Variants in ARID4B observed in about 807,000 individuals in gnomAD.
The protein encoded by ARID4B is AT-rich interaction domain 4B, also known as AT-rich interactive domain-containing protein 4B.
Under a neutral mutation model 147.5 loss-of-function variants are expected in ARID4B, and 26 were observed. The observed-to-expected ratio is 0.18, with a 90% CI of 0.13 to 0.24. ARID4B has a LOEUF of 0.24. Among genes scored for constraint, ARID4B ranks in the 10% least tolerant of loss-of-function variants. The pLI is 1.00. For synonymous variants in ARID4B, 512 were observed against 507.9 expected (o/e 1.01, Z -0.11); for missense variants, 1,179 against 1,511.5 (o/e 0.78, Z 3.65).
intron 2 of ARID4B, among the ~76,000 whole-genome samples, chr1:235,299,796 C>T (rs1416979389): frequency 6.6e-6 from 1 of 152,162 alleles, no homozygotes; most frequent in African/African-American, 2.4e-5. Context: ...TGGTGGTTAG[C>T]TGCTTGAAGC....
At chr1:235,244,514 T>TA (rs888066089) in intron 7 of ARID4B, among the ~76,000 whole-genome samples, 1 of 152,038 alleles carries the variant, frequency 6.6e-6, no homozygotes, top group Non-Finnish European at 1.5e-5. Context: ...TGATAATCAT[T>TA]AAAAAAAGAA....
rs766086044 is a variant in ARID4B, at chr1:235,234,433, T to C, written c.645A>G (p.Arg215=). Residue 215 remains arginine (R), a synonymous_variant, in exon 9 of 24, where the codon CGA becomes CGG. Transcript: ENST00000264183. The part of the protein sequence containing the change: ...IAVKKDNILV[R]SFKDGKFTSV... The stretch of plus-strand genomic sequence containing the variant: ...CTTACAATTTTCCATCTTTGAAAGA[T>C]CGAACAAGAATATTGTCCTTTTTTA... 4.4e-6 allele frequency: 7 copies of C among 1,604,940 alleles called. No homozygotes were observed. In the Admixed American group the frequency reaches 1.2e-4, roughly 27 times the overall value.
chr1:235,268,753 T>G (rs1035455712), intron 2 of ARID4B, among the ~76,000 whole-genome samples: 1 of 152,168 alleles, frequency 6.6e-6, no homozygotes, highest in South Asian at 2.1e-4. Context: ...CCCGACTTCG[T>G]GATCCACCCG....
In ARID4B at chr1:235,172,555, C is replaced by G. The variant is rs917668498; in HGVS notation, c.3811+63G>C. 7.3e-6 allele frequency: 9 copies of G among 1,225,892 alleles called. No homozygotes were observed. The South Asian group carries it at 1.5e-4, about 20-fold the overall frequency. 75.9% of individuals were successfully genotyped at this position (1,225,892 alleles called of 1,614,324 possible). A position where few individuals can be genotyped will look rare whatever the true frequency, so the allele number is the denominator to read the frequency against. The stretch of plus-strand genomic sequence containing the variant: ...ATTGCGCCATTGCACTCCAGCCTGG[C>G]GACAAGAGTGAAACTCTGTCTCAAA... On this transcript the variant is annotated intron_variant, in intron 23 of 23. Transcript: ENST00000264183.
chr1:235,225,923 AATG>A (rs1224136303), intron 11 of ARID4B, among the ~76,000 whole-genome samples: 3 of 152,192 alleles, frequency 2.0e-5, no homozygotes, highest in Admixed American at 6.5e-5. Flanking sequence ...TTAATTTGCT[AATG>A]ATGAATCTGT....
Position 235,251,230 on chromosome 1 carries a change from A to G in ARID4B, c.354+1500T>C, listed in dbSNP as rs1310447004. ...AAAATGAGAAAAGTTAAAAAAAAAAAAAGGTCCTAAAACAAGAATAAGCAA... is the reference window on the plus strand; with the variant it reads ...AAAATGAGAAAAGTTAAAAAAAAAAGAAGGTCCTAAAACAAGAATAAGCAA... On this transcript the variant is annotated intron_variant, in intron 6 of 23. Transcript: ENST00000264183. Among the ~76,000 whole-genome samples the G allele has an allele frequency of 2.0e-5, 3 of 152,200 alleles. No individual in the cohort carries two copies. The South Asian group carries it at 6.2e-4, about 32-fold the overall frequency.
chr1:235,319,292 G>A (rs1381527556), intron 2 of ARID4B, among the ~76,000 whole-genome samples: 3 of 152,176 alleles, frequency 2.0e-5, no homozygotes, highest in Non-Finnish European at 2.9e-5. Flanking sequence ...CAAGATGGGA[G>A]GATCATTTGA....
At chr1:235,225,835 AGG>A (rs1667794245) in intron 11 of ARID4B, among the ~76,000 whole-genome samples, 1 of 152,324 alleles carries the variant, frequency 6.6e-6, no homozygotes, top group Non-Finnish European at 1.5e-5. Flanking sequence ...CAACAAAGAA[AGG>A]TAATTTTTTT....
At chr1:235,173,799 T>A (rs1157647430) in intron 22 of ARID4B, among the ~76,000 whole-genome samples, 4 of 74,768 alleles carry the variant, frequency 5.3e-5, no homozygotes, top group Admixed American at 1.7e-4. Flanking sequence ...TATATATATA[T>A]ATATATATAT....
At chr1:235,326,656 T>C in intron 2 of ARID4B, 1 of 506,102 alleles carries the variant, frequency 2.0e-6, no homozygotes. Flanking sequence ...ATTCATGCCG[T>C]TATTCCTCTC....
At chr1:235,238,477 A>G (rs1264301114) in intron 8 of ARID4B, among the ~76,000 whole-genome samples, 1 of 152,164 alleles carries the variant, frequency 6.6e-6, no homozygotes, top group East Asian at 1.9e-4. Flanking sequence ...CAAACGTGAG[A>G]ATAGTACTTT....
intron 3 of ARID4B, among the ~76,000 whole-genome samples, chr1:235,258,039 A>C (rs527840393): frequency 2.6e-4 from 40 of 152,196 alleles, no homozygotes; most frequent in African/African-American, 9.4e-4. Context: ...TGATAAGAAA[A>C]CTGAGAAACA....
At position 235,252,711 on chromosome 1, in the gene ARID4B, T is replaced by G. The variant is rs375141186; in HGVS notation, c.354+19A>C. Reference sequence around the variant, plus strand: ...ATAAAAAATATTAAGACATGTTCATTTGTTAAATGATGACTTACTTCACTT... The same window carrying G: ...ATAAAAAATATTAAGACATGTTCATGTGTTAAATGATGACTTACTTCACTT... On this transcript the variant is annotated intron_variant, in intron 6 of 23. Transcript: ENST00000264183. 1 of 1,603,504 alleles carries G rather than the reference T, an allele frequency of 6.2e-7. No individual in the cohort carries two copies. The highest frequency in any genetic ancestry group is 1.3e-5 in the African/African-American group (1 of 74,314).
intron 21 of ARID4B, among the ~76,000 whole-genome samples, chr1:235,176,067 AC>A (rs1357892397): frequency 6.6e-6 from 1 of 152,188 alleles, no homozygotes; most frequent in African/African-American, 2.4e-5. Context: ...TACCATGTGA[AC>A]AGGTAGGTGA....
chr1:235,309,652 C>T (rs1464262235), intron 2 of ARID4B, among the ~76,000 whole-genome samples: 2 of 125,340 alleles, frequency 1.6e-5, no homozygotes, highest in African/African-American at 5.9e-5. Context: ...TCTGCCCGGC[C>T]GCCACCCCGT....
chr1:235,233,721 C>A (rs1017181022), intron 9 of ARID4B, among the ~76,000 whole-genome samples: 1 of 152,204 alleles, frequency 6.6e-6, no homozygotes, highest in Non-Finnish European at 1.5e-5. Context: ...TTAGACATAA[C>A]TAGTAGAAGT....
At chr1:235,205,256 T>C (rs547198013) in intron 17 of ARID4B, among the ~76,000 whole-genome samples, 28 of 152,200 alleles carry the variant, frequency 1.8e-4, no homozygotes, top group South Asian at 8.3e-4. Flanking sequence ...ACACAAAACA[T>C]TTTAGAGCAG....
At position 235,252,603 on chromosome 1, in the gene ARID4B, C is replaced by A. The variant is rs533654718; in HGVS notation, c.354+127G>T. 9.2e-6 allele frequency: 6 copies of A among 654,274 alleles called. No homozygotes were observed. In the East Asian group the frequency reaches 1.8e-4, roughly 19 times the overall value. 40.5% of individuals were successfully genotyped at this position (654,274 alleles called of 1,614,324 possible). A position where few individuals can be genotyped will look rare whatever the true frequency, so the allele number is the denominator to read the frequency against. Reference sequence around the variant, plus strand: ...CTTAAACAGGCTTCACAGATTACATCATAAGGGTATTGTGTATTAATGAAC... The same window carrying A: ...CTTAAACAGGCTTCACAGATTACATAATAAGGGTATTGTGTATTAATGAAC... On this transcript the variant is annotated intron_variant, in intron 6 of 23. Transcript: ENST00000264183.
intron 16 of ARID4B, among the ~76,000 whole-genome samples, chr1:235,215,553 G>GTGTGTGTA (rs1457281045): frequency 6.9e-6 from 1 of 145,252 alleles, no homozygotes; most frequent in East Asian, 2.0e-4. Context: ...ATATATGTGT[G>GTGTGTGTA]TGTGTGTGTG....
Sources: gnomAD v4.1 joint callset for allele counts (sites outside exome capture counted in the v4.1 genomes callset) on GRCh38, gnomAD v4.1.1 for gene constraint, MANE v1.5 for transcripts, NCBI Gene and HGNC (gene_info 2026-07-23, HGNC 2026-07-21) for gene names.